Variants in PCSK2 observed in about 807,000 individuals in gnomAD.
PCSK2 encodes the protein neuroendocrine convertase 2.
PCSK2 carries 14 observed loss-of-function variants against 69.7 expected under a neutral mutation model. The ratio of observed to expected loss-of-function variants is 0.20; its 90% CI spans 0.13 to 0.31. The LOEUF (loss-of-function observed/expected upper bound fraction) is 0.31, where lower values mean the gene tolerates loss of function less well. PCSK2 is among the 10% of genes least tolerant of loss of function. The probability of loss-of-function intolerance (pLI) is 1.00; values close to 1 mark genes in which losing one functional copy is unlikely to be tolerated. For synonymous variants in PCSK2, 307 were observed against 320.7 expected, an observed-to-expected ratio of 0.96 and a Z score of 0.46; for missense variants, 544 against 842.5, an observed-to-expected ratio of 0.65 and a Z score of 4.39.
In PCSK2 at chr20:17,362,599, G is replaced by C. The variant is rs117865896; in HGVS notation, c.505+1959G>C. 7.7e-3 allele frequency among the ~76,000 whole-genome samples: 1,167 copies of C among 152,238 alleles called. 6 individuals are homozygous for C. Among genetic ancestry groups the C allele is most frequent in the Non-Finnish European group, 0.011 (739 of 68,004 alleles). On this transcript the variant is annotated intron_variant, in intron 4 of 11. Transcript: ENST00000262545. ...ACATGAGGCCTCCAGCAAGGTAGAT[G>C]GATTTCTTATAGGTGGCTCAGGACT...
At chr20:17,391,193 G>T (rs1267361150) in intron 5 of PCSK2, among the ~76,000 whole-genome samples, 1 of 151,710 alleles carries the variant, frequency 6.6e-6, no homozygotes, top group Non-Finnish European at 1.5e-5. Flanking sequence ...TGAAAAGATT[G>T]AATCAATGCA....
chr20:17,366,424 A>T (rs1290491649), intron 4 of PCSK2, among the ~76,000 whole-genome samples: 1 of 152,216 alleles, frequency 6.6e-6, no homozygotes, highest in East Asian at 1.9e-4. Context: ...AGCCATAGAT[A>T]GTTGTACAGC....
chr20:17,436,964 C>T lies in PCSK2; in HGVS notation c.885+81C>T, dbSNP rs1046985836. 3.2e-5 allele frequency: 38 copies of T among 1,187,856 alleles called. No homozygotes were observed. The African/African-American group carries it at 5.8e-4, about 18-fold the overall frequency. The allele number at this position is 1,187,856 out of a possible 1,614,324, so 73.6% of individuals were successfully genotyped here. On this transcript the variant is annotated intron_variant, in intron 8 of 11. Coordinates refer to ENST00000262545, the MANE Select transcript of PCSK2 (RefSeq NM_002594.5). The stretch of plus-strand genomic sequence containing the variant: ...GGAGGGGTAGATGCAACTGGGTGAA[C>T]CACTGTCACCCTGTGTGTGAGTCCA...
chr20:17,445,234 C>T (rs965127174), intron 8 of PCSK2, among the ~76,000 whole-genome samples: 3 of 152,100 alleles, frequency 2.0e-5, no homozygotes, highest in Non-Finnish European at 2.9e-5. Context: ...AAGGGGAATT[C>T]GGGTGACGCT....
At chr20:17,278,850 CT>C (rs60536483) in intron 2 of PCSK2, among the ~76,000 whole-genome samples, 3,016 of 146,450 alleles carry the variant, frequency 0.021, 98 homozygotes, top group African/African-American at 0.069. Context: ...CCTCTGTTGC[CT>C]TTTTTTTTTT....
chr20:17,358,401 C>G lies in PCSK2; in HGVS notation c.357C>G (p.Ile119Met). ...ACAGAGACATCAATGAGATCGACAT[C>G]AACATGAACGATCCTCTTTTTACAA... Reference protein sequence around the residue: ...RGYRDINEIDINMNDPLFTKQ... With the variant: ...RGYRDINEIDMNMNDPLFTKQ... Residue 119 changes from isoleucine to methionine, a missense_variant, in exon 3 of 12, where the codon ATC becomes ATG. Ile to Met is a conservative substitution (Grantham distance 10, BLOSUM62 1). Transcript: ENST00000262545. The G allele has an allele frequency of 6.2e-7, 1 of 1,610,168 alleles. No individual in the cohort carries two copies. The highest frequency in any genetic ancestry group is 8.5e-7 in the Non-Finnish European group (1 of 1,176,404).
chr20:17,418,274 C>T (rs1205790437), intron 6 of PCSK2, among the ~76,000 whole-genome samples: 1 of 152,176 alleles, frequency 6.6e-6, no homozygotes, highest in East Asian at 1.9e-4. Flanking sequence ...TGCAAGGTTA[C>T]AGGGCTAATA....
chr20:17,425,542 G>A (rs900712160), intron 6 of PCSK2, among the ~76,000 whole-genome samples: 1 of 152,130 alleles, frequency 6.6e-6, no homozygotes, highest in African/African-American at 2.4e-5. Flanking sequence ...TATCGAGTAG[G>A]ATCTAATAAA....
chr20:17,414,973 C>A (rs920602068), intron 6 of PCSK2, among the ~76,000 whole-genome samples: 1 of 152,152 alleles, frequency 6.6e-6, no homozygotes, highest in East Asian at 1.9e-4. Flanking sequence ...AGGCCTTTGA[C>A]AAAATTCAAC....
At chr20:17,347,895 AG>A (rs369717705) in intron 2 of PCSK2, among the ~76,000 whole-genome samples, 4,485 of 32,308 alleles carry the variant, frequency 0.14, 813 homozygotes, top group Admixed American at 0.34. Flanking sequence ...AAAGAAAGAA[AG>A]AAAGAAAGAA....
chr20:17,430,117 T>C (rs562420929), intron 7 of PCSK2, among the ~76,000 whole-genome samples: 3 of 152,198 alleles, frequency 2.0e-5, no homozygotes, highest in Non-Finnish European at 4.4e-5. Context: ...TTACATTTCA[T>C]TGGGTAGGAT....
intron 7 of PCSK2, 70 bp from the exon 8 acceptor site, chr20:17,436,638 T>C: frequency 7.2e-7 from 1 of 1,385,006 alleles, no homozygotes; most frequent in Non-Finnish European, 1.0e-6. Context: ...GCCCAAGCCC[T>C]CCTCCACCTC....
At chr20:17,461,913 A>G (rs1472130309) in intron 10 of PCSK2, among the ~76,000 whole-genome samples, 1 of 152,238 alleles carries the variant, frequency 6.6e-6, no homozygotes, top group African/African-American at 2.4e-5. Flanking sequence ...CCATAAATAC[A>G]TACACCTACT....
chr20:17,239,020 G>A (rs1446711720), intron 1 of PCSK2, among the ~76,000 whole-genome samples: 3 of 152,102 alleles, frequency 2.0e-5, no homozygotes, highest in Admixed American at 6.6e-5. Context: ...GGTGCAATCA[G>A]GAAAACCAAG....
chr20:17,409,453 T>A, intron 6 of PCSK2, 114 bp downstream of exon 6: 2 of 713,920 alleles, frequency 2.8e-6, no homozygotes, highest in Non-Finnish European at 4.9e-6. Flanking sequence ...TTCATTAAAT[T>A]ATATTGTGAT....
At chr20:17,294,633 A>G (rs960084377) in intron 2 of PCSK2, among the ~76,000 whole-genome samples, 4 of 152,200 alleles carry the variant, frequency 2.6e-5, no homozygotes, top group African/African-American at 7.2e-5. Context: ...TGGAAAGTCT[A>G]GTACCTGGGA....
intron 4 of PCSK2, among the ~76,000 whole-genome samples, chr20:17,363,031 T>C (rs945654240): frequency 1.2e-4 from 19 of 152,250 alleles, no homozygotes; most frequent in African/African-American, 4.3e-4. Context: ...TGGTGCCATG[T>C]CCCAGACATT....
intron 5 of PCSK2, among the ~76,000 whole-genome samples, chr20:17,383,510 G>A (rs1357914220): frequency 6.6e-6 from 1 of 152,162 alleles, no homozygotes; most frequent in African/African-American, 2.4e-5. Context: ...TGATTCCCTT[G>A]ATGCTTTTAA....
intron 10 of PCSK2, among the ~76,000 whole-genome samples, chr20:17,461,110 A>G (rs931863882): frequency 6.6e-6 from 1 of 152,172 alleles, no homozygotes; most frequent in Admixed American, 6.5e-5. Context: ...AATGGGTTGC[A>G]GTGAATGAGT....
Sources: allele counts gnomAD v4.1 joint callset (sites outside exome capture counted in the v4.1 genomes callset), GRCh38; gene constraint gnomAD v4.1.1; transcripts MANE v1.5; gene names NCBI Gene and HGNC (gene_info 2026-07-23, HGNC 2026-07-21).